Variants in LPAR3 observed in about 807,000 individuals in gnomAD.
The protein encoded by LPAR3 is LPA receptor 3.
LPAR3 carries 7 observed loss-of-function variants against 17.8 expected under a neutral mutation model. The observed-to-expected ratio is 0.39, with a 90% CI of 0.22 to 0.74. The LOEUF (loss-of-function observed/expected upper bound fraction) is 0.74. Among genes scored for constraint, LPAR3 ranks in the 30% least tolerant of loss-of-function variants. LPAR3 has a pLI of 0.40. For missense variants in LPAR3, 391 were observed against 453.4 expected, an observed-to-expected ratio of 0.86 and a Z score of 1.25; for synonymous variants, 179 against 179.9, an observed-to-expected ratio of 0.99 and a Z score of 0.04.
chr1:84,865,079 A>T (rs1029958099), intron 2 of LPAR3, among the ~76,000 whole-genome samples: 1 of 152,092 alleles, frequency 6.6e-6, no homozygotes, highest in Non-Finnish European at 1.5e-5. Flanking sequence ...ACTTTTTTAA[A>T]GTGCAAACGA....
At chr1:84,889,411 G>A (rs1660514842) in intron 1 of LPAR3, among the ~76,000 whole-genome samples, 1 of 152,122 alleles carries the variant, frequency 6.6e-6, no homozygotes, top group African/African-American at 2.4e-5. Flanking sequence ...GTCCAACATT[G>A]CCATCAGCAC....
intron 2 of LPAR3, among the ~76,000 whole-genome samples, chr1:84,825,106 C>T (rs1334066866): frequency 6.6e-6 from 1 of 152,194 alleles, no homozygotes; most frequent in African/African-American, 2.4e-5. Flanking sequence ...TGTAAGGGTC[C>T]TGTCTGCTGT....
intron 1 of LPAR3, among the ~76,000 whole-genome samples, chr1:84,884,555 A>G (rs1660424208): frequency 6.6e-6 from 1 of 152,260 alleles, no homozygotes; most frequent in African/African-American, 2.4e-5. Context: ...AATGCATCAT[A>G]GAAATTAGCA....
chr1:84,833,665 A>G (rs1210849138), intron 2 of LPAR3, among the ~76,000 whole-genome samples: 1 of 152,208 alleles, frequency 6.6e-6, no homozygotes, highest in African/African-American at 2.4e-5. Context: ...ACTTCCTTAT[A>G]GGTAACCTTA....
intron 2 of LPAR3, among the ~76,000 whole-genome samples, chr1:84,840,560 C>G (rs1659486801): frequency 6.6e-6 from 1 of 152,096 alleles, no homozygotes; most frequent in Non-Finnish European, 1.5e-5. Context: ...CTTATACAAA[C>G]AATAAACTTT....
intron 2 of LPAR3, among the ~76,000 whole-genome samples, chr1:84,815,193 C>G (rs1196806216): frequency 3.3e-5 from 5 of 152,152 alleles, no homozygotes; most frequent in African/African-American, 1.2e-4. Context: ...TCTTAAGAGA[C>G]ACGATTTTGA....
chr1:84,848,132 C>G (rs767966270), intron 2 of LPAR3, among the ~76,000 whole-genome samples: 1 of 152,224 alleles, frequency 6.6e-6, no homozygotes, highest in East Asian at 1.9e-4. Context: ...TCCAACAAGC[C>G]TGGCCACAGC....
intron 1 of LPAR3, among the ~76,000 whole-genome samples, chr1:84,868,141 G>T (rs1219936009): frequency 6.6e-6 from 1 of 151,778 alleles, no homozygotes. Context: ...ATGGAGTCTT[G>T]CTCTGTCGCC....
chr1:84,814,233 T>C (rs1388630140), intron 2 of LPAR3, 62 bp from the exon 3 acceptor site: 2 of 1,415,692 alleles, frequency 1.4e-6, no homozygotes, highest in African/African-American at 1.4e-5. Flanking sequence ...TCAGGTTTTC[T>C]TCTCTCCCAG....
At position 84,811,843 on chromosome 1, in the gene LPAR3, A is replaced by G. The variant is rs1396822478; in HGVS notation, c.*2003T>C. On this transcript the variant is annotated 3_prime_UTR_variant, in exon 3 of 3. Transcript: ENST00000370611. ...TTGCAAACTACATAAATACTATAAT[A>G]TCTACCTTGAAGTTATTCTCATTTT... 2 of 152,206 alleles carry G rather than the reference A, an allele frequency of 1.3e-5. No individual in the cohort carries two copies. Among genetic ancestry groups the G allele is most frequent in the African/African-American group, 4.8e-5 (2 of 41,460 alleles). 9.4% of individuals were successfully genotyped at this position (152,206 alleles called of 1,614,324 possible).
chr1:84,862,221 A>C (rs923158407), intron 2 of LPAR3, among the ~76,000 whole-genome samples: 4 of 152,358 alleles, frequency 2.6e-5, no homozygotes, highest in Admixed American at 2.0e-4. Flanking sequence ...AAACATCAAT[A>C]TCTTCTCCAG....
At chr1:84,868,579 T>C (rs762911230) in intron 1 of LPAR3, among the ~76,000 whole-genome samples, 24 of 152,336 alleles carry the variant, frequency 1.6e-4, no homozygotes, top group Non-Finnish European at 2.9e-4. Flanking sequence ...ATGGTCTGAA[T>C]GTTTGTGTGC....
chr1:84,818,371 C>G (rs1209241724), intron 2 of LPAR3, among the ~76,000 whole-genome samples: 4 of 152,020 alleles, frequency 2.6e-5, no homozygotes, highest in Non-Finnish European at 5.9e-5. Flanking sequence ...GAGTTTTGTG[C>G]TGGGGAGAAA....
At chr1:84,880,075 A>G (rs990121423) in intron 1 of LPAR3, among the ~76,000 whole-genome samples, 1 of 152,230 alleles carries the variant, frequency 6.6e-6, no homozygotes, top group African/African-American at 2.4e-5. Context: ...CATGCCTGTA[A>G]TCCCAGCACT....
At chr1:84,892,943 C>G (rs377174855) in intron 1 of LPAR3, 73 bp downstream of exon 1, 67 of 152,494 alleles carry the variant, frequency 4.4e-4, no homozygotes, top group African/African-American at 1.6e-3. Flanking sequence ...CCGCTGCGCC[C>G]CGGCCTCCCC....
At chr1:84,841,386 T>C (rs1364323973) in intron 2 of LPAR3, among the ~76,000 whole-genome samples, 1 of 152,074 alleles carries the variant, frequency 6.6e-6, no homozygotes, top group African/African-American at 2.4e-5. Flanking sequence ...ATCTGGACAG[T>C]CCCTGGATTA....
chr1:84,886,340 C>T (rs1163894395), intron 1 of LPAR3, among the ~76,000 whole-genome samples: 1 of 152,096 alleles, frequency 6.6e-6, no homozygotes, highest in Non-Finnish European at 1.5e-5. Flanking sequence ...GCCTGGGCAA[C>T]ACAGCAAGAC....
At chr1:84,842,983 C>T (rs149097516) in intron 2 of LPAR3, among the ~76,000 whole-genome samples, 72 of 152,314 alleles carry the variant, frequency 4.7e-4, no homozygotes, top group African/African-American at 1.7e-3. Flanking sequence ...GTAAGCATTC[C>T]GTCAAGGCAA....
chr1:84,860,835 T>G (rs566738891), intron 2 of LPAR3, among the ~76,000 whole-genome samples: 1 of 148,222 alleles, frequency 6.7e-6, no homozygotes, highest in Non-Finnish European at 1.5e-5. Context: ...ACCTCCTGGG[T>G]TCAACCAATT....
Sources: allele counts gnomAD v4.1 joint callset (sites outside exome capture counted in the v4.1 genomes callset), GRCh38; gene constraint gnomAD v4.1.1; transcripts MANE v1.5; gene names NCBI Gene and HGNC (gene_info 2026-07-23, HGNC 2026-07-21).